QSOX1: variants seen among roughly 807,000 people sequenced by gnomAD.
The protein encoded by QSOX1 is sulfhydryl oxidase 1.
A neutral mutation model predicts 76.1 loss-of-function variants in QSOX1; 40 were observed. The ratio of observed to expected loss-of-function variants is 0.53; its 90% CI spans 0.41 to 0.68. The LOEUF (loss-of-function observed/expected upper bound fraction) is 0.68, where lower values mean the gene tolerates loss of function less well. Among genes scored for constraint, QSOX1 ranks in the 30% least tolerant of loss-of-function variants. QSOX1 has a pLI of 0.00. For missense variants in QSOX1, 931 were observed against 974.3 expected (o/e 0.96, Z 0.59); for synonymous variants, 392 against 413.1 (o/e 0.95, Z 0.62).
At chr1:180,195,049 T>C (rs760992960) in intron 11 of QSOX1, among the ~76,000 whole-genome samples, 9 of 150,330 alleles carry the variant, frequency 6.0e-5, no homozygotes, top group Non-Finnish European at 1.0e-4. Flanking sequence ...ATGGAGCAGG[T>C]GGTGGTGCAG....
chr1:180,189,731 G>A, intron 9 of QSOX1, 57 bp downstream of exon 9: 3 of 1,577,428 alleles, frequency 1.9e-6, no homozygotes, highest in Non-Finnish European at 2.6e-6. Flanking sequence ...GAGAGTGCAA[G>A]GGGTTAACCC....
rs764299695 is a variant in QSOX1 at position 180,197,338 on chromosome 1, T to A, written c.*301T>A. On this transcript the variant is annotated 3_prime_UTR_variant, in exon 12 of 12. Coordinates refer to ENST00000367602, the MANE Select transcript of QSOX1 (RefSeq NM_002826.5). ...ACCACATTCCTGTTTTTCAGCTTAT[T>A]TGAAGTCCTGCCTCATTCTCACTGG... is the stretch of plus-strand genomic sequence containing the variant. 1.2e-5 allele frequency: 19 copies of A among 1,614,018 alleles called. No homozygotes were observed. The highest frequency in any genetic ancestry group is 1.6e-5 in the Non-Finnish European group (19 of 1,180,014).
Position 180,182,298 on chromosome 1 carries a change from G to T in QSOX1, c.731G>T (p.Gly244Val). 6.2e-7 allele frequency: 1 copy of T among 1,614,240 alleles called. No homozygotes were observed. The highest frequency in any genetic ancestry group is 8.5e-7 in the Non-Finnish European group (1 of 1,180,042). Residue 244 changes from glycine (G) to valine (V), a missense_variant, in exon 6 of 12, where the codon GGC becomes GTC. By Grantham distance (109) the Gly-to-Val change is moderately radical. Coordinates refer to ENST00000367602, the MANE Select transcript of QSOX1 (RefSeq NM_002826.5). ...FPSCYLLFRN[G>V]SVSRVPVLME... Reference sequence around the variant, plus strand: ...TCTTGCTACCTGCTGTTCCGGAATGGCTCTGTCTCCCGAGTCCCCGTGTGA... The same window carrying T: ...TCTTGCTACCTGCTGTTCCGGAATGTCTCTGTCTCCCGAGTCCCCGTGTGA...
chr1:180,192,148 G>C (rs938641824), intron 10 of QSOX1, among the ~76,000 whole-genome samples: 12 of 152,148 alleles, frequency 7.9e-5, no homozygotes, highest in African/African-American at 2.7e-4. Flanking sequence ...TAGGAATTTG[G>C]GGGGACATAA....
chr1:180,161,700 C>T (rs1164008287), intron 1 of QSOX1, among the ~76,000 whole-genome samples: 1 of 152,114 alleles, frequency 6.6e-6, no homozygotes, highest in Non-Finnish European at 1.5e-5. Context: ...GACAACAAAA[C>T]ATTAAAAAGA....
intron 1 of QSOX1, among the ~76,000 whole-genome samples, chr1:180,161,252 CA>C (rs373113985): frequency 4.6e-5 from 7 of 151,778 alleles, no homozygotes; most frequent in African/African-American, 1.7e-4. Flanking sequence ...TAATTATTTA[CA>C]TAAGTGTGGC....
At chr1:180,169,271 C>T (rs987033641) in intron 2 of QSOX1, among the ~76,000 whole-genome samples, 1 of 152,186 alleles carries the variant, frequency 6.6e-6, no homozygotes, top group African/African-American at 2.4e-5. Context: ...GGGGCTTCTC[C>T]GTGGGCCTCA....
intron 10 of QSOX1, among the ~76,000 whole-genome samples, chr1:180,191,539 C>T (rs992185381): frequency 7.9e-5 from 12 of 152,234 alleles, no homozygotes; most frequent in South Asian, 2.1e-4. Flanking sequence ...TGCCATGTGG[C>T]GCTGCAGGTG....
At chr1:180,182,378 T>C (rs1663062595) in intron 6 of QSOX1, 59 bp downstream of exon 6, 1 of 1,599,816 alleles carries the variant, frequency 6.3e-7, no homozygotes, top group South Asian at 1.1e-5. Flanking sequence ...TCCTTCCTTC[T>C]TGCCCAGAGG....
intron 5 of QSOX1, among the ~76,000 whole-genome samples, chr1:180,179,716 A>G (rs1032789347): frequency 6.6e-6 from 1 of 152,254 alleles, no homozygotes. Flanking sequence ...GAGAGTAGGC[A>G]TGAAATTAAA....
chr1:180,187,956 T>C (rs1050007627), intron 8 of QSOX1, among the ~76,000 whole-genome samples: 15 of 152,254 alleles, frequency 9.9e-5, no homozygotes, highest in Non-Finnish European at 8.8e-5. Flanking sequence ...GCAGCTATCA[T>C]TTCTTCAGCC....
In QSOX1 at chr1:180,198,193, C is replaced by T. The variant is rs1168286374; in HGVS notation, c.*1156C>T. The T allele has an allele frequency of 2.2e-6, 1 of 456,600 alleles. No homozygotes were observed. 28.3% of individuals were successfully genotyped at this position (456,600 alleles called of 1,614,324 possible). ...GCCCATAGAACTGTCTGCACCCAAA[C>T]CCCATGGCCTTTTCATGCACGGAGA... On this transcript the variant is annotated 3_prime_UTR_variant, in exon 12 of 12. Coordinates refer to ENST00000367602, the MANE Select transcript of QSOX1 (RefSeq NM_002826.5).
chr1:180,159,447 GA>G (rs746567296), intron 1 of QSOX1, among the ~76,000 whole-genome samples: 5 of 152,152 alleles, frequency 3.3e-5, no homozygotes, highest in Non-Finnish European at 4.4e-5. Context: ...CTTGTCAAAA[GA>G]CAAAATTACA....
chr1:180,185,414 A>G (rs777123345), intron 7 of QSOX1, among the ~76,000 whole-genome samples: 5 of 152,212 alleles, frequency 3.3e-5, no homozygotes, highest in Non-Finnish European at 7.4e-5. Context: ...GGACCCCAGC[A>G]TGATGGGCCT....
chr1:180,191,640 C>T (rs1239942004), intron 10 of QSOX1, among the ~76,000 whole-genome samples: 1 of 152,228 alleles, frequency 6.6e-6, no homozygotes, highest in Non-Finnish European at 1.5e-5. Context: ...ATGGCTTCAG[C>T]CATGATGACG....
At position 180,177,870 on chromosome 1, in the gene QSOX1, T is replaced by C. The variant is rs1049692574; in HGVS notation, c.516-924T>C. 3.2e-5 allele frequency among the ~76,000 whole-genome samples: 3 copies of C among 94,062 alleles called. No homozygotes were observed. The Admixed American group carries it at 3.5e-4, about 11-fold the overall frequency. The allele number at this position is 94,062 out of a possible 152,430, so 61.7% of individuals were successfully genotyped here. ...AATACCATGTTTTTGTTTGTTTTGT[T>C]TTGTTTTGGATATGTTTTGTTTTGT... On this transcript the variant is annotated intron_variant, in intron 4 of 11. Coordinates refer to ENST00000367602, the MANE Select transcript of QSOX1 (RefSeq NM_002826.5).
chr1:180,168,039 T>C (rs1490117299), intron 2 of QSOX1, among the ~76,000 whole-genome samples: 1 of 151,924 alleles, frequency 6.6e-6, no homozygotes, highest in Non-Finnish European at 1.5e-5. Context: ...AGGGGAGGGG[T>C]TGACACTGGT....
chr1:180,171,173 T>C (rs552286215), intron 2 of QSOX1, among the ~76,000 whole-genome samples: 1 of 152,304 alleles, frequency 6.6e-6, no homozygotes, highest in Admixed American at 6.5e-5. Flanking sequence ...ATACTAAAAC[T>C]TCTGAGAGCA....
intron 8 of QSOX1, among the ~76,000 whole-genome samples, chr1:180,186,807 C>T (rs1663185911): frequency 6.6e-6 from 1 of 152,266 alleles, no homozygotes; most frequent in Non-Finnish European, 1.5e-5. Context: ...AGCTCAAGTG[C>T]CATGCCTTCG....
Sources: gnomAD v4.1 joint callset for allele counts (sites outside exome capture counted in the v4.1 genomes callset) on GRCh38, gnomAD v4.1.1 for gene constraint, MANE v1.5 for transcripts, NCBI Gene and HGNC (gene_info 2026-07-23, HGNC 2026-07-21) for gene names.